Variants in LRRTM4 observed in about 807,000 individuals in gnomAD.
LRRTM4 encodes leucine rich repeat transmembrane neuronal 4.
A neutral mutation model predicts 47.6 loss-of-function variants in LRRTM4; 25 were observed. The observed-to-expected ratio is 0.53, with a 90% CI of 0.38 to 0.73. LRRTM4 has a LOEUF of 0.73. Ranked by LOEUF, LRRTM4 falls within the 30% of genes least tolerant of loss-of-function variation. The pLI, the probability that LRRTM4 is intolerant of heterozygous loss-of-function variation, is 0.00. For missense variants in LRRTM4, 638 were observed against 713.4 expected (o/e 0.89, Z 1.20); for synonymous variants, 311 against 269.5 (o/e 1.15, Z -1.51).
At chr2:77,279,265 A>G (rs1676445324) in intron 3 of LRRTM4, among the ~76,000 whole-genome samples, 1 of 152,042 alleles carries the variant, frequency 6.6e-6, no homozygotes, top group Non-Finnish European at 1.5e-5. Flanking sequence ...TTATCAGGGG[A>G]CAGAAAAAAT....
chr2:76,888,078 TATATAC>T lies in LRRTM4; in HGVS notation c.1552-139168_1552-139163del, dbSNP rs1673135470. ...ATGTGTGTTTGTATATATATACATATATATACATATATAGTGTGTGTGTATATATAC... is the reference window on the plus strand; with the variant it reads ...ATGTGTGTTTGTATATATATACATATATATATAGTGTGTGTGTATATATAC... On this transcript the variant is annotated intron_variant, in intron 3 of 3. Coordinates refer to ENST00000409884, the MANE Select transcript of LRRTM4 (RefSeq NM_001134745.3). Among the ~76,000 whole-genome samples the T allele has an allele frequency of 4.0e-5, 6 of 150,652 alleles. No homozygotes were observed. In the South Asian group the frequency reaches 1.2e-3, roughly 31 times the overall value.
chr2:77,194,724 C>T (rs755391516), intron 3 of LRRTM4, among the ~76,000 whole-genome samples: 12 of 152,048 alleles, frequency 7.9e-5, no homozygotes, highest in Admixed American at 1.3e-4. Flanking sequence ...TGACCCCTAA[C>T]CTATGGGTAA....
intron 3 of LRRTM4, among the ~76,000 whole-genome samples, chr2:77,018,109 T>G (rs1386938847): frequency 6.6e-6 from 1 of 151,990 alleles, no homozygotes; most frequent in Non-Finnish European, 1.5e-5. Flanking sequence ...AGTACTATTT[T>G]TCCTTTTGAT....
chr2:76,999,498 G>A (rs563518802), intron 3 of LRRTM4, among the ~76,000 whole-genome samples: 55 of 151,442 alleles, frequency 3.6e-4, no homozygotes, highest in Non-Finnish European at 6.8e-4. Context: ...ATGTGAGGCA[G>A]ATAAACAGTT....
At chr2:77,225,462 G>A (rs972797486) in intron 3 of LRRTM4, among the ~76,000 whole-genome samples, 1 of 150,756 alleles carries the variant, frequency 6.6e-6, no homozygotes, top group Non-Finnish European at 1.5e-5. Context: ...AAGTGCTTGC[G>A]GTGTGCCCAG....
intron 3 of LRRTM4, among the ~76,000 whole-genome samples, chr2:76,896,768 A>T (rs1444662655): frequency 1.3e-5 from 2 of 149,848 alleles, no homozygotes; most frequent in Non-Finnish European, 3.0e-5. Flanking sequence ...TTCTGATTGC[A>T]CTGTCTTAAG....
chr2:77,462,118 C>T (rs1676812571), intron 3 of LRRTM4, among the ~76,000 whole-genome samples: 1 of 152,032 alleles, frequency 6.6e-6, no homozygotes, highest in Non-Finnish European at 1.5e-5. Flanking sequence ...GCTCCATATA[C>T]TTTGTTCCAA....
chr2:77,005,307 G>A (rs1301395981), intron 3 of LRRTM4, among the ~76,000 whole-genome samples: 1 of 152,096 alleles, frequency 6.6e-6, no homozygotes, highest in Non-Finnish European at 1.5e-5. Context: ...ACCACACCCA[G>A]CTAACTTTTG....
intron 3 of LRRTM4, among the ~76,000 whole-genome samples, chr2:77,364,068 C>T (rs937656659): frequency 6.7e-6 from 1 of 149,934 alleles, no homozygotes; most frequent in Non-Finnish European, 1.5e-5. Flanking sequence ...GGGAAATTTT[C>T]ATTGAAAAAG....
At chr2:77,199,906 G>A (rs1673927431) in intron 3 of LRRTM4, among the ~76,000 whole-genome samples, 1 of 151,926 alleles carries the variant, frequency 6.6e-6, no homozygotes, top group Non-Finnish European at 1.5e-5. Context: ...ACCACATATA[G>A]ATACATAATA....
chr2:77,004,055 A>G (rs902812776), intron 3 of LRRTM4, among the ~76,000 whole-genome samples: 18 of 152,162 alleles, frequency 1.2e-4, no homozygotes, highest in Non-Finnish European at 2.5e-4. Flanking sequence ...TATCCATTGG[A>G]AGAAATTTCT....
intron 3 of LRRTM4, among the ~76,000 whole-genome samples, chr2:76,987,732 G>C (rs922892301): frequency 6.6e-6 from 1 of 151,722 alleles, no homozygotes; most frequent in Non-Finnish European, 1.5e-5. Context: ...CAACCAGTAC[G>C]ACAGAGTCTC....
At chr2:77,495,400 T>G (rs1049755230) in intron 3 of LRRTM4, among the ~76,000 whole-genome samples, 1 of 152,014 alleles carries the variant, frequency 6.6e-6, no homozygotes, top group East Asian at 1.9e-4. Flanking sequence ...GTTTTAACTT[T>G]AAGTCCAGTT....
chr2:77,504,798 C>T (rs1432464813), intron 3 of LRRTM4, among the ~76,000 whole-genome samples: 2 of 124,658 alleles, frequency 1.6e-5, no homozygotes, highest in Non-Finnish European at 3.5e-5. Flanking sequence ...TTAAGTATTA[C>T]ATAAACAATT....
chr2:77,014,533 C>G (rs898615407), intron 3 of LRRTM4, among the ~76,000 whole-genome samples: 3 of 140,686 alleles, frequency 2.1e-5, no homozygotes, highest in African/African-American at 7.8e-5. Context: ...TTTTATAGGC[C>G]AGGTGCAGTG....
chr2:76,812,771 C>CCCCCCCCTCCTCCT (rs1670778600), intron 3 of LRRTM4, among the ~76,000 whole-genome samples: 13 of 99,848 alleles, frequency 1.3e-4, no homozygotes, highest in African/African-American at 2.4e-4. Flanking sequence ...TCCTCCTCTC[C>CCCCCCCCTCCTCCT]CTCCCCCTCC....
At chr2:77,017,729 A>G (rs1475744480) in intron 3 of LRRTM4, among the ~76,000 whole-genome samples, 2 of 152,274 alleles carry the variant, frequency 1.3e-5, no homozygotes, top group African/African-American at 4.8e-5. Flanking sequence ...AAAAATAAAT[A>G]GAAGAGGAGA....
At chr2:76,806,344 G>A (rs1463920213) in intron 3 of LRRTM4, among the ~76,000 whole-genome samples, 1 of 152,194 alleles carries the variant, frequency 6.6e-6, no homozygotes, top group Non-Finnish European at 1.5e-5. Context: ...CACTTTGGGA[G>A]TCTGAGGATG....
At chr2:77,396,932 T>C (rs942688183) in intron 3 of LRRTM4, among the ~76,000 whole-genome samples, 3 of 151,914 alleles carry the variant, frequency 2.0e-5, no homozygotes, top group Admixed American at 6.6e-5. Context: ...TACCCATGGA[T>C]AAATCACATG....
Sources: allele counts gnomAD v4.1 joint callset (sites outside exome capture counted in the v4.1 genomes callset), GRCh38; gene constraint gnomAD v4.1.1; transcripts MANE v1.5; gene names NCBI Gene and HGNC (gene_info 2026-07-23, HGNC 2026-07-21).